The following HYDIN variants were observed in gnomAD, a reference collection of about 807,000 sequenced individuals.
HYDIN encodes axonemal central pair apparatus protein HYDIN.
A neutral mutation model predicts 403.9 loss-of-function variants in HYDIN; 132 were observed. The observed-to-expected ratio is 0.33, with a 90% CI of 0.28 to 0.38. HYDIN has a LOEUF of 0.38. HYDIN is among the 10% of genes least tolerant of loss of function. The probability of loss-of-function intolerance (pLI) is 1.00; values close to 1 mark genes in which losing one functional copy is unlikely to be tolerated. For synonymous variants in HYDIN, 1,202 were observed against 1,891.7 expected (o/e 0.64, Z 9.46); for missense variants, 2,827 against 5,009.5 (o/e 0.56, Z 13.15).
chr16:70,900,496 T>G, intron 53 of HYDIN, among the ~76,000 whole-genome samples: 1 of 131,556 alleles, frequency 7.6e-6, no homozygotes. Flanking sequence ...AAAAAAAAGA[T>G]ACATTGGGAG....
intron 1 of HYDIN, among the ~76,000 whole-genome samples, chr16:71,198,271 A>T (rs1377126346): frequency 6.6e-6 from 1 of 152,148 alleles, no homozygotes; most frequent in Non-Finnish European, 1.5e-5. Flanking sequence ...ACCAATTAAC[A>T]TTTGGGTTGT....
At chr16:70,922,447 A>G (rs2077024013) in intron 45 of HYDIN, among the ~76,000 whole-genome samples, 1 of 152,244 alleles carries the variant, frequency 6.6e-6, no homozygotes, top group Non-Finnish European at 1.5e-5. Context: ...TGCAGAAAGA[A>G]AATACACACA....
chr16:70,956,495 A>G lies in HYDIN; in HGVS notation c.6143-947T>C, dbSNP rs528534383. Among the ~76,000 whole-genome samples, 864 of 152,302 alleles carry G rather than the reference A, an allele frequency of 5.7e-3. 7 individuals carry two copies. The highest frequency in any genetic ancestry group is 0.02 in the African/African-American group (820 of 41,556). ...TAAAAGAGACTTTGCAGATGTGATT[A>G]ATTTACAGATCTTGATATGGGGGGT... On this transcript the variant is annotated intron_variant, in intron 39 of 85. Transcript: ENST00000393567.
intron 1 of HYDIN, among the ~76,000 whole-genome samples, chr16:71,194,923 G>A (rs558795364): frequency 6.6e-6 from 1 of 152,334 alleles, no homozygotes; most frequent in South Asian, 2.1e-4. Flanking sequence ...CTCAAAGCAT[G>A]ATGACTGGCT....
At chr16:71,133,515 A>T (rs1782445227) in intron 8 of HYDIN, among the ~76,000 whole-genome samples, 1 of 152,220 alleles carries the variant, frequency 6.6e-6, no homozygotes, top group Admixed American at 6.5e-5. Context: ...CTAAGGAAAC[A>T]TGTCATTTCC....
chr16:70,923,770 G>A (rs57000488), intron 45 of HYDIN, among the ~76,000 whole-genome samples: 3 of 147,756 alleles, frequency 2.0e-5, no homozygotes, highest in African/African-American at 7.5e-5. Context: ...GCAGTGAGCC[G>A]AGATCATGCC....
At chr16:70,843,226 T>C (rs1360446312) in intron 75 of HYDIN, among the ~76,000 whole-genome samples, 3 of 127,240 alleles carry the variant, frequency 2.4e-5, no homozygotes, top group African/African-American at 8.9e-5. Flanking sequence ...CAGAGTGTGA[T>C]GTTCCCCTTC....
intron 41 of HYDIN, among the ~76,000 whole-genome samples, chr16:70,949,464 A>G (rs544314460): frequency 1.1e-3 from 166 of 152,264 alleles, no homozygotes; most frequent in African/African-American, 3.8e-3. Flanking sequence ...ATAATAATAA[A>G]AAAAACAAAA....
At chr16:70,984,059 A>C (rs1224367097) in intron 28 of HYDIN, among the ~76,000 whole-genome samples, 1 of 152,294 alleles carries the variant, frequency 6.6e-6, no homozygotes, top group African/African-American at 2.4e-5. Context: ...TTAGAGAAAC[A>C]AAACACAAGA....
intron 23 of HYDIN, among the ~76,000 whole-genome samples, chr16:71,011,861 G>A (rs967826554): frequency 7.9e-5 from 12 of 151,388 alleles, no homozygotes; most frequent in African/African-American, 2.9e-4. Flanking sequence ...CATATTGGCT[G>A]GCTGGCGCTC....
At chr16:71,101,808 C>T (rs1161984944) in intron 10 of HYDIN, among the ~76,000 whole-genome samples, 1 of 152,134 alleles carries the variant, frequency 6.6e-6, no homozygotes, top group Non-Finnish European at 1.5e-5. Context: ...TGAGTGTATA[C>T]ATCCTGTATG....
chr16:71,010,925 C>T (rs1448644813), intron 23 of HYDIN, among the ~76,000 whole-genome samples: 4 of 152,224 alleles, frequency 2.6e-5, no homozygotes, highest in Admixed American at 6.5e-5. Context: ...GCCCTGGCCC[C>T]CTTAAGCCAC....
At chr16:71,009,326 G>T (rs922901509) in intron 23 of HYDIN, among the ~76,000 whole-genome samples, 5 of 150,270 alleles carry the variant, frequency 3.3e-5, no homozygotes, top group Non-Finnish European at 7.4e-5. Flanking sequence ...ATCAAGCTGT[G>T]CCTGAAGCCT....
chr16:71,018,656 G>A (rs1340171280), intron 22 of HYDIN, among the ~76,000 whole-genome samples: 235 of 150,550 alleles, frequency 1.6e-3, no homozygotes, highest in African/African-American at 5.5e-3. Flanking sequence ...GTACATCTAA[G>A]TATAGACACT....
At chr16:71,133,946 G>A (rs553033047) in intron 8 of HYDIN, among the ~76,000 whole-genome samples, 3 of 152,218 alleles carry the variant, frequency 2.0e-5, no homozygotes, top group African/African-American at 4.8e-5. Context: ...TTCTTCCCAC[G>A]GGGAGGAACG....
At chr16:71,031,460 T>C (rs77988073) in intron 19 of HYDIN, 6,720 of 1,333,606 alleles carry the variant, frequency 5.0e-3, no homozygotes, top group African/African-American at 0.048. Flanking sequence ...TTCTCGGATG[T>C]AGAGGGACAC....
chr16:71,020,425 T>C (rs2080439779), intron 21 of HYDIN, 108 bp from the exon 22 acceptor site: 2 of 1,416,912 alleles, frequency 1.4e-6, no homozygotes, highest in Admixed American at 4.8e-5. Context: ...AATCTTTCTT[T>C]TTCTTTGTGT....
At chr16:70,841,729 C>T (rs1347559164) in intron 75 of HYDIN, among the ~76,000 whole-genome samples, 2 of 152,116 alleles carry the variant, frequency 1.3e-5, no homozygotes, top group East Asian at 1.9e-4. Context: ...TCCTGCCCCA[C>T]CCCCGACCTT....
chr16:71,102,463 A>G (rs2083486105), intron 10 of HYDIN, among the ~76,000 whole-genome samples: 1 of 152,038 alleles, frequency 6.6e-6, no homozygotes, highest in Non-Finnish European at 1.5e-5. Flanking sequence ...AAAGCTCATT[A>G]TCAGAATTTT....
Sources: gnomAD v4.1 joint callset for allele counts (sites outside exome capture counted in the v4.1 genomes callset) on GRCh38, gnomAD v4.1.1 for gene constraint, MANE v1.5 for transcripts, NCBI Gene and HGNC (gene_info 2026-07-23, HGNC 2026-07-21) for gene names.